GRIA1: variants seen among roughly 807,000 people sequenced by gnomAD.
GRIA1 encodes glutamate receptor 1.
GRIA1 carries 31 observed loss-of-function variants against 99.2 expected under a neutral mutation model. That is an observed-to-expected ratio of 0.31 (90% CI 0.23 to 0.42). The LOEUF (loss-of-function observed/expected upper bound fraction) is 0.42, where lower values mean the gene tolerates loss of function less well. GRIA1 is among the 10% of genes least tolerant of loss of function. GRIA1 has a pLI of 1.00. For missense variants in GRIA1, 782 were observed against 1,157.5 expected (o/e 0.68, Z 4.71); for synonymous variants, 438 against 432.4 (o/e 1.01, Z -0.16).
intron 2 of GRIA1, among the ~76,000 whole-genome samples, chr5:153,644,209 G>A (rs1023298348): frequency 6.6e-6 from 1 of 152,100 alleles, no homozygotes; most frequent in Non-Finnish European, 1.5e-5. Flanking sequence ...TATGCTTCCT[G>A]GTAGAGAAAT....
chr5:153,790,473 A>T (rs1765230518), intron 13 of GRIA1, among the ~76,000 whole-genome samples: 1 of 152,110 alleles, frequency 6.6e-6, no homozygotes. Flanking sequence ...ACTGAACCCC[A>T]AATCTAGCCA....
At chr5:153,637,166 T>C (rs922148486) in intron 2 of GRIA1, among the ~76,000 whole-genome samples, 12 of 152,190 alleles carry the variant, frequency 7.9e-5, no homozygotes, top group African/African-American at 2.9e-4. Context: ...AGAAGAATGG[T>C]ACTTTTCTAA....
chr5:153,628,840 G>A (rs535499545), intron 2 of GRIA1, among the ~76,000 whole-genome samples: 1 of 152,244 alleles, frequency 6.6e-6, no homozygotes, highest in South Asian at 2.1e-4. Flanking sequence ...TTTGTTGTGT[G>A]TTCAGATCCA....
At chr5:153,597,842 T>TAA (rs372705510) in intron 2 of GRIA1, among the ~76,000 whole-genome samples, 4,217 of 142,060 alleles carry the variant, frequency 0.03, 88 homozygotes, top group Non-Finnish European at 0.043. Flanking sequence ...ACCCCGTCTC[T>TAA]AAAAAAAAAA....
rs571202187 is a variant in GRIA1 at position 153,769,510 on chromosome 5, A to G, written c.2023-658A>G. ...TGCAAGCAAAGTCCTGAAGGGGAGA[A>G]GGCCCAAGGTGAGTTTAGGGGGAAA... On this transcript the variant is annotated intron_variant, in intron 12 of 15. Coordinates refer to ENST00000285900, the MANE Select transcript of GRIA1 (RefSeq NM_000827.4). Among the ~76,000 whole-genome samples, 25 of 152,208 alleles carry G rather than the reference A, an allele frequency of 1.6e-4. 1 individual carries two copies. In the South Asian group the frequency reaches 5.2e-3, roughly 32 times the overall value.
intron 2 of GRIA1, among the ~76,000 whole-genome samples, chr5:153,585,490 G>A (rs1763402911): frequency 6.6e-6 from 1 of 151,606 alleles, no homozygotes; most frequent in African/African-American, 2.4e-5. Context: ...TGTGTTTTTA[G>A]TAGAGACAGG....
At chr5:153,805,641 G>A (rs1381206075) in intron 15 of GRIA1, among the ~76,000 whole-genome samples, 1 of 152,198 alleles carries the variant, frequency 6.6e-6, no homozygotes, top group Non-Finnish European at 1.5e-5. Flanking sequence ...CCAGTGCCAG[G>A]TGGTGGTGCC....
In GRIA1 at chr5:153,731,349, G is replaced by A. The variant is rs2149558935; in HGVS notation, c.1823+25282G>A. On this transcript the variant is annotated intron_variant, in intron 11 of 15. Coordinates refer to ENST00000285900, the MANE Select transcript of GRIA1 (RefSeq NM_000827.4). Reference sequence around the variant, plus strand: ...ACCTCTCTGTCCTTTTGCCTGGAGAGTCTATTCCATGCTGTCTCTCTAATA... The same window carrying A: ...ACCTCTCTGTCCTTTTGCCTGGAGAATCTATTCCATGCTGTCTCTCTAATA... Among the ~76,000 whole-genome samples the A allele has an allele frequency of 2.6e-5, 4 of 151,924 alleles. No individual in the cohort carries two copies. The South Asian group carries it at 8.3e-4, about 32-fold the overall frequency.
chr5:153,789,540 C>T (rs1205295781), intron 13 of GRIA1, among the ~76,000 whole-genome samples: 4 of 152,134 alleles, frequency 2.6e-5, no homozygotes, highest in Non-Finnish European at 5.9e-5. Context: ...CAGTGGGCAA[C>T]TGACTTCCAC....
intron 2 of GRIA1, among the ~76,000 whole-genome samples, chr5:153,622,062 T>C (rs1460577734): frequency 6.6e-6 from 1 of 152,162 alleles, no homozygotes; most frequent in Non-Finnish European, 1.5e-5. Flanking sequence ...GATCAGTGGT[T>C]CTCAAGGAAT....
chr5:153,663,932 C>T (rs1473228997), intron 5 of GRIA1, among the ~76,000 whole-genome samples: 1 of 152,138 alleles, frequency 6.6e-6, no homozygotes, highest in East Asian at 1.9e-4. Context: ...TTGGAATGGC[C>T]TTTTTCATGC....
intron 2 of GRIA1, among the ~76,000 whole-genome samples, chr5:153,643,219 G>A (rs1417853906): frequency 6.6e-6 from 1 of 152,154 alleles, no homozygotes; most frequent in Non-Finnish European, 1.5e-5. Flanking sequence ...AATTAGACTA[G>A]ACTCTAGAAT....
chr5:153,585,994 C>A (rs1436073585), intron 2 of GRIA1, among the ~76,000 whole-genome samples: 4 of 151,990 alleles, frequency 2.6e-5, no homozygotes, highest in Non-Finnish European at 5.9e-5. Flanking sequence ...TGATTTCAAG[C>A]ATTTGCCAAT....
intron 2 of GRIA1, among the ~76,000 whole-genome samples, chr5:153,535,511 C>A (rs571709901): frequency 1.3e-5 from 2 of 152,212 alleles, no homozygotes; most frequent in Non-Finnish European, 2.9e-5. Context: ...ATTCTCCAGT[C>A]AGCTGAACAA....
chr5:153,781,325 C>T (rs1399148955), intron 13 of GRIA1, among the ~76,000 whole-genome samples: 1 of 151,890 alleles, frequency 6.6e-6, no homozygotes, highest in Non-Finnish European at 1.5e-5. Context: ...TTCTTTATTC[C>T]CATGGGAATA....
Position 153,490,919 on chromosome 5 carries a change from G to T in GRIA1, c.31G>T (p.Gly11Cys). The T allele has an allele frequency of 5.0e-6, 8 of 1,614,154 alleles. No homozygotes were observed. Among genetic ancestry groups the T allele is most frequent in the Non-Finnish European group, 6.8e-6 (8 of 1,180,002 alleles). Reference sequence around the variant, plus strand: ...GCACATTTTTGCCTTCTTCTGCACCGGTTTCCTAGGCGCGGTAGTAGGTGC... The same window carrying T: ...GCACATTTTTGCCTTCTTCTGCACCTGTTTCCTAGGCGCGGTAGTAGGTGC... MQHIFAFFCT[G>C]FLGAVVGANF... Residue 11 changes from glycine to cysteine, a missense_variant, in exon 1 of 16, where the codon GGT (glycine) becomes TGT (cysteine). By Grantham distance (159) the Gly-to-Cys change is radical. Coordinates refer to ENST00000285900, the MANE Select transcript of GRIA1 (RefSeq NM_000827.4).
chr5:153,710,346 C>T (rs1223778993), intron 11 of GRIA1, among the ~76,000 whole-genome samples: 2 of 152,046 alleles, frequency 1.3e-5, no homozygotes, highest in African/African-American at 4.8e-5. Flanking sequence ...CCTCAGCCTC[C>T]TGAGTAGCTG....
At chr5:153,787,900 G>A (rs905078901) in intron 13 of GRIA1, among the ~76,000 whole-genome samples, 47 of 151,974 alleles carry the variant, frequency 3.1e-4, no homozygotes, top group Non-Finnish European at 5.9e-4. Flanking sequence ...CTAACACAGT[G>A]AAACCCCGTC....
chr5:153,727,928 A>G (rs1760690687), intron 11 of GRIA1, among the ~76,000 whole-genome samples: 2 of 151,638 alleles, frequency 1.3e-5, no homozygotes, highest in South Asian at 4.2e-4. Flanking sequence ...TCGCCAAGTC[A>G]ATCCTAAGCC....
Sources: allele counts gnomAD v4.1 joint callset (sites outside exome capture counted in the v4.1 genomes callset), GRCh38; gene constraint gnomAD v4.1.1; transcripts MANE v1.5; gene names NCBI Gene and HGNC (gene_info 2026-07-23, HGNC 2026-07-21).